ST6GALNAC3: variants seen among roughly 807,000 people sequenced by gnomAD.
ST6GALNAC3 encodes the protein ST6 N-acetylgalactosaminide alpha-2,6-sialyltransferase 3, also known as alpha-N-acetylgalactosaminide alpha-2,6-sialyltransferase 3.
ST6GALNAC3 carries 25 observed loss-of-function variants against 32.7 expected under a neutral mutation model. The ratio of observed to expected loss-of-function variants is 0.76; its 90% CI spans 0.56 to 1.07. The LOEUF is 1.07. Ranked by LOEUF, ST6GALNAC3 falls within the 50% of genes least tolerant of loss-of-function variation. The pLI, the probability that ST6GALNAC3 is intolerant of heterozygous loss-of-function variation, is 0.00. For synonymous variants in ST6GALNAC3, 129 were observed against 133.1 expected (o/e 0.97, Z 0.21); for missense variants, 355 against 382.4 (o/e 0.93, Z 0.60).
intron 2 of ST6GALNAC3, among the ~76,000 whole-genome samples, chr1:76,345,159 T>C (rs1348831908): frequency 6.6e-6 from 1 of 152,124 alleles, no homozygotes; most frequent in East Asian, 1.9e-4. Context: ...ACCATCACCC[T>C]GCTTGTGGGA....
rs370312082 is a variant in ST6GALNAC3 at position 76,314,291 on chromosome 1, A to G, written c.213+292A>G. 3.7e-4 allele frequency among the ~76,000 whole-genome samples: 57 copies of G among 152,224 alleles called. 1 individual carries two copies. Among genetic ancestry groups the G allele is most frequent in the African/African-American group, 1.3e-3 (55 of 41,560 alleles). On this transcript the variant is annotated intron_variant, in intron 2 of 4. Coordinates refer to ENST00000328299, the MANE Select transcript of ST6GALNAC3 (RefSeq NM_152996.4). ...GCACAACGTACATATCTCTCCATTT[A>G]GAAGCTCTGATTAGCAGTTACCAGC...
intron 2 of ST6GALNAC3, among the ~76,000 whole-genome samples, chr1:76,400,262 T>C (rs931837003): frequency 1.3e-5 from 2 of 152,218 alleles, no homozygotes; most frequent in African/African-American, 2.4e-5. Context: ...CCTCAAATCC[T>C]TTTGCTGCAT....
At chr1:76,576,082 C>G (rs1646801503) in intron 3 of ST6GALNAC3, among the ~76,000 whole-genome samples, 1 of 151,948 alleles carries the variant, frequency 6.6e-6, no homozygotes, top group African/African-American at 2.4e-5. Context: ...TTTCTCTAAA[C>G]AGGGAACAGG....
chr1:76,174,203 AAACT>A (rs894309190), intron 1 of ST6GALNAC3, among the ~76,000 whole-genome samples: 3 of 151,666 alleles, frequency 2.0e-5, no homozygotes, highest in African/African-American at 7.2e-5. Flanking sequence ...CATCCTCAAC[AAACT>A]AACACAGGAA....
In ST6GALNAC3 at chr1:76,605,388, C is replaced by T. The variant is rs560676212; in HGVS notation, c.624-22064C>T. On this transcript the variant is annotated intron_variant, in intron 3 of 4. Transcript: ENST00000328299. ...CATAAGGGCCAGTACTGTCATAACC[C>T]TAAACTTTGTGTACAATAGAAAAAG... 1.1e-4 allele frequency among the ~76,000 whole-genome samples: 16 copies of T among 152,114 alleles called. No individual in the cohort carries two copies. The East Asian group carries it at 2.1e-3, about 20-fold the overall frequency.
chr1:76,197,469 G>T (rs1654270511), intron 1 of ST6GALNAC3, among the ~76,000 whole-genome samples: 1 of 150,762 alleles, frequency 6.6e-6, no homozygotes, highest in Non-Finnish European at 1.5e-5. Context: ...GGCTGAAGGG[G>T]GGATCTAATC....
At chr1:76,242,756 C>T (rs919193254) in intron 1 of ST6GALNAC3, among the ~76,000 whole-genome samples, 2 of 152,110 alleles carry the variant, frequency 1.3e-5, no homozygotes, top group African/African-American at 4.8e-5. Flanking sequence ...TTTCCAGCTT[C>T]ATCCAAGTCC....
rs139834853 is a variant in ST6GALNAC3, at chr1:76,109,165, C to T, written c.18+34281C>T. On this transcript the variant is annotated intron_variant, in intron 1 of 4. Coordinates refer to ENST00000328299, the MANE Select transcript of ST6GALNAC3 (RefSeq NM_152996.4). ...CCTCGTTTGCTGTTATGGTTTATGTCGCAGACTTGCTAGGTATGACTTCCA... is the reference window on the plus strand; with the variant it reads ...CCTCGTTTGCTGTTATGGTTTATGTTGCAGACTTGCTAGGTATGACTTCCA... Among the ~76,000 whole-genome samples, 722 of 152,130 alleles carry T rather than the reference C, an allele frequency of 4.7e-3. 7 individuals are homozygous for T. Among genetic ancestry groups the T allele is most frequent in the African/African-American group, 0.014 (569 of 41,502 alleles).
intron 3 of ST6GALNAC3, among the ~76,000 whole-genome samples, chr1:76,430,956 G>A (rs925404887): frequency 6.6e-6 from 1 of 152,058 alleles, no homozygotes; most frequent in African/African-American, 2.4e-5. Context: ...AAAGCCTCTT[G>A]GTAGAATGAA....
chr1:76,611,158 G>T (rs1647906923), intron 3 of ST6GALNAC3, among the ~76,000 whole-genome samples: 1 of 151,622 alleles, frequency 6.6e-6, no homozygotes, highest in Admixed American at 6.6e-5. Context: ...TCTGAGCATG[G>T]GAACTTTTTA....
At chr1:76,159,740 CTGAAAGATAAAA>C (rs1557662738) in intron 1 of ST6GALNAC3, among the ~76,000 whole-genome samples, 1 of 152,186 alleles carries the variant, frequency 6.6e-6, no homozygotes, top group South Asian at 2.1e-4. Context: ...AACATAATGT[CTGAAAGATAAAA>C]ACAAGTGTTT....
intron 2 of ST6GALNAC3, among the ~76,000 whole-genome samples, chr1:76,341,165 C>T (rs369448876): frequency 6.6e-6 from 1 of 151,686 alleles, no homozygotes; most frequent in South Asian, 2.1e-4. Flanking sequence ...GAATACAGAA[C>T]CCTGTAGGTA....
At chr1:76,194,393 A>G (rs950332481) in intron 1 of ST6GALNAC3, among the ~76,000 whole-genome samples, 4 of 152,144 alleles carry the variant, frequency 2.6e-5, no homozygotes, top group African/African-American at 7.2e-5. Flanking sequence ...GGATCTCAAA[A>G]AGCTTTTGTT....
chr1:76,301,022 G>T (rs1478168818), intron 1 of ST6GALNAC3, among the ~76,000 whole-genome samples: 2 of 152,014 alleles, frequency 1.3e-5, no homozygotes, highest in Non-Finnish European at 2.9e-5. Context: ...GATGATCATT[G>T]ATTGTCTGCT....
At chr1:76,523,991 C>T (rs1458707738) in intron 3 of ST6GALNAC3, among the ~76,000 whole-genome samples, 2 of 152,102 alleles carry the variant, frequency 1.3e-5, no homozygotes, top group Non-Finnish European at 2.9e-5. Context: ...TTACACCTGT[C>T]CAATAGCCTT....
At chr1:76,247,790 C>T (rs1657359608) in intron 1 of ST6GALNAC3, among the ~76,000 whole-genome samples, 1 of 151,446 alleles carries the variant, frequency 6.6e-6, no homozygotes, top group Admixed American at 6.6e-5. Flanking sequence ...AGTGAGAACA[C>T]CTGGCTCCCT....
chr1:76,160,712 C>A (rs1001472230), intron 1 of ST6GALNAC3, among the ~76,000 whole-genome samples: 1 of 152,168 alleles, frequency 6.6e-6, no homozygotes, highest in Non-Finnish European at 1.5e-5. Context: ...TTGGTGCACA[C>A]ACACACACAG....
chr1:76,082,956 T>C (rs1483957294), intron 1 of ST6GALNAC3, among the ~76,000 whole-genome samples: 2 of 152,188 alleles, frequency 1.3e-5, no homozygotes, highest in South Asian at 2.1e-4. Context: ...AATCTTATCT[T>C]AATATTTACT....
chr1:76,147,361 C>T (rs1398557110), intron 1 of ST6GALNAC3, among the ~76,000 whole-genome samples: 1 of 152,164 alleles, frequency 6.6e-6, no homozygotes, highest in Admixed American at 6.5e-5. Flanking sequence ...CTGTTCCTGG[C>T]CTGATCACTC....
Sources: gnomAD v4.1 joint callset for allele counts (sites outside exome capture counted in the v4.1 genomes callset) on GRCh38, gnomAD v4.1.1 for gene constraint, MANE v1.5 for transcripts, NCBI Gene and HGNC (gene_info 2026-07-23, HGNC 2026-07-21) for gene names.